CCDC183: variants seen among roughly 807,000 people sequenced by gnomAD.
CCDC183 encodes coiled-coil domain containing 183.
A neutral mutation model predicts 65.2 loss-of-function variants in CCDC183; 63 were observed. The observed-to-expected ratio is 0.97, with a 90% confidence interval of 0.79 to 1.19. The LOEUF is 1.19. Among genes scored for constraint, CCDC183 ranks in the 50% most tolerant of loss-of-function variants. The pLI is 0.00. For missense variants in CCDC183, 769 were observed against 689.3 expected (o/e 1.12, Z -1.30); for synonymous variants, 323 against 276.5 (o/e 1.17, Z -1.67).
Position 136,804,646 on chromosome 9 carries a change from C to T in CCDC183, c.792+19C>T, listed in dbSNP as rs1341944772. 6.2e-7 allele frequency: 1 copy of T among 1,613,270 alleles called. No individual in the cohort carries two copies. The highest frequency in any genetic ancestry group is 8.5e-7 in the Non-Finnish European group (1 of 1,179,716). ...CCGCCGGGTAAGCCCCAGGCCAGGG[C>T]CTGGCTGGCTGCCCATCCCCATGAC... On this transcript the variant is annotated intron_variant, in intron 7 of 13. Coordinates refer to ENST00000338005, the MANE Select transcript of CCDC183 (RefSeq NM_001039374.5). The surrounding 1 kb of genome is among the most constrained non-coding windows in gnomAD (Gnocchi z 4.1).
chr9:136,802,434 T>C (rs182161526), intron 5 of CCDC183, among the ~76,000 whole-genome samples: 2 of 152,294 alleles, frequency 1.3e-5, no homozygotes, highest in East Asian at 3.9e-4. Context: ...ACTCTCTCAG[T>C]CTCTCTGGGT....
intron 2 of CCDC183, 93 bp downstream of exon 2, chr9:136,799,316 C>A: frequency 6.8e-7 from 1 of 1,478,234 alleles, no homozygotes. Flanking sequence ...TCTCCACCCC[C>A]ACCCCAATCT....
chr9:136,807,518 C>G, intron 13 of CCDC183, 54 bp from the exon 14 acceptor site: 1 of 1,482,266 alleles, frequency 6.7e-7, no homozygotes, highest in Non-Finnish European at 9.0e-7. Flanking sequence ...GCGGGTCGGG[C>G]GGCTGCGCCT....
intron 13 of CCDC183, 82 bp downstream of exon 13, chr9:136,807,148 G>A (rs532038229): frequency 3.9e-6 from 5 of 1,267,742 alleles, no homozygotes; most frequent in Admixed American, 1.8e-5. Context: ...CCATCCCACC[G>A]GGACATCCTG....
intron 1 of CCDC183, among the ~76,000 whole-genome samples, chr9:136,798,003 TTTTA>T (rs896914030): frequency 4.0e-5 from 6 of 151,732 alleles, no homozygotes; most frequent in Non-Finnish European, 8.8e-5. Flanking sequence ...GTATTTGTAT[TTTTA>T]TTTATTTATT....
At chr9:136,799,425 A>C in intron 2 of CCDC183, 2 of 903,206 alleles carry the variant, frequency 2.2e-6, no homozygotes, top group Non-Finnish European at 3.2e-6. Context: ...CCACCACCCA[A>C]CCCGAGGGCT....
At position 136,806,617 on chromosome 9, in the gene CCDC183, T is replaced by C; in HGVS notation, c.1223T>C (p.Met408Thr). The change falls in exon 11 of 14, where the codon ATG (methionine) becomes ACG (threonine). Residue 408 changes from methionine to threonine, a missense_variant. Transcript: ENST00000338005. ...CAGGAGCTGCTGCTGACCATCCAGA[T>C]GGGCATCGACAACCTCTATGTCCGG... ...KGQELLLTIQ[M>T]GIDNLYVRLM... 6.2e-7 allele frequency: 1 copy of C among 1,613,744 alleles called. No homozygotes were observed. The highest frequency in any genetic ancestry group is 1.7e-5 in the Admixed American group (1 of 60,020).
rs1298004572 is a variant in CCDC183 at position 136,799,810 on chromosome 9, C to T, written c.270+20C>T. 3.7e-6 allele frequency: 6 copies of T among 1,607,624 alleles called. No homozygotes were observed. The highest frequency in any genetic ancestry group is 5.1e-6 in the Non-Finnish European group (6 of 1,175,848). On this transcript the variant is annotated intron_variant, in intron 3 of 13. Coordinates refer to ENST00000338005, the MANE Select transcript of CCDC183 (RefSeq NM_001039374.5). ...ATGGAGGTAACCAGGCAGGAGGGGC[C>T]TCGAGACCCAACCCTCCCCACCCCT...
In CCDC183 at chr9:136,804,654, G is replaced by C. The variant is rs780569595; in HGVS notation, c.792+27G>C. The C allele has an allele frequency of 6.2e-7, 1 of 1,613,084 alleles. No individual in the cohort carries two copies. The highest frequency in any genetic ancestry group is 1.1e-5 in the South Asian group (1 of 91,052). On this transcript the variant is annotated intron_variant, in intron 7 of 13. Coordinates refer to ENST00000338005, the MANE Select transcript of CCDC183 (RefSeq NM_001039374.5). This position sits in a 1 kb window ranked among gnomAD's most constrained non-coding sequence, Gnocchi z 4.1. Reference sequence around the variant, plus strand: ...TAAGCCCCAGGCCAGGGCCTGGCTGGCTGCCCATCCCCATGACAGCTGGGT... The same window carrying C: ...TAAGCCCCAGGCCAGGGCCTGGCTGCCTGCCCATCCCCATGACAGCTGGGT...
At chr9:136,799,009 C>CT in intron 1 of CCDC183, 93 bp from the exon 2 acceptor site, 1 of 1,563,276 alleles carries the variant, frequency 6.4e-7, no homozygotes, top group East Asian at 2.3e-5. Context: ...ACCCTGGGGC[C>CT]TGGGGCCTCC....
Position 136,806,747 on chromosome 9 carries a change from C to T in CCDC183, c.1279-10C>T, listed in dbSNP as rs751778045. On this transcript the variant is annotated splice_polypyrimidine_tract_variant and intron_variant, in intron 11 of 13. Transcript: ENST00000338005. Reference sequence around the variant, plus strand: ...CAGAGGGGAGATGAGACCCTCCTCCCGGCCTACAGAGAGAAGTGGTGCTCT... The same window carrying T: ...CAGAGGGGAGATGAGACCCTCCTCCTGGCCTACAGAGAGAAGTGGTGCTCT... The T allele has an allele frequency of 5.6e-6, 9 of 1,613,470 alleles. No individual in the cohort carries two copies. Among genetic ancestry groups the T allele is most frequent in the Non-Finnish European group, 7.6e-6 (9 of 1,180,000 alleles).
intron 1 of CCDC183, 74 bp downstream of exon 1, chr9:136,796,541 A>G (rs1457033739): frequency 2.0e-6 from 2 of 1,002,000 alleles, no homozygotes; most frequent in Non-Finnish European, 3.1e-6. Flanking sequence ...TTTGTGGGGA[A>G]AAGAGAGATC....
Position 136,797,277 on chromosome 9 carries a change from C to T in CCDC183, c.70+810C>T, listed in dbSNP as rs186774597. ...CTTTGCTCACATGTTTCCCTGCTGA[C>T]GTTCTCACCACCTGTTGCCCTGCTA... On this transcript the variant is annotated intron_variant, in intron 1 of 13. Coordinates refer to ENST00000338005, the MANE Select transcript of CCDC183 (RefSeq NM_001039374.5). Among the ~76,000 whole-genome samples, 14 of 152,238 alleles carry T rather than the reference C, an allele frequency of 9.2e-5. No individual in the cohort carries two copies. The East Asian group carries it at 2.1e-3, about 23-fold the overall frequency.
chr9:136,800,527 G>A (rs751997235), intron 5 of CCDC183, 34 bp downstream of exon 5: 1 of 1,504,738 alleles, frequency 6.6e-7, no homozygotes, highest in Non-Finnish European at 9.1e-7. Context: ...GCGGGGGTCA[G>A]GGGCTGGGAT....
intron 4 of CCDC183, 70 bp downstream of exon 4, chr9:136,800,239 C>G: frequency 9.4e-7 from 1 of 1,061,560 alleles, no homozygotes. Context: ...GGCGGGGCCA[C>G]CGGGGGGCGG....
At chr9:136,800,669 A>G (rs1847725442) in intron 5 of CCDC183, 176 bp downstream of exon 5, 10 of 595,760 alleles carry the variant, frequency 1.7e-5, no homozygotes, top group Non-Finnish European at 2.7e-5. Flanking sequence ...ATTTTTGGCT[A>G]TTCCAAAAAA....
chr9:136,800,686 C>A (rs1010754181), intron 5 of CCDC183, 193 bp downstream of exon 5: 1 of 587,016 alleles, frequency 1.7e-6, no homozygotes, highest in South Asian at 2.0e-5. Context: ...AAAAGCATAT[C>A]GTGGGGTATA....
At chr9:136,805,129 T>C in intron 8 of CCDC183, 1 of 596,546 alleles carries the variant, frequency 1.7e-6, no homozygotes, top group Non-Finnish European at 3.0e-6. Context: ...CTCACAGTGC[T>C]GCGCCACTCA....
At position 136,806,983 on chromosome 9, in the gene CCDC183, T is replaced by C. The variant is rs1425058970; in HGVS notation, c.1403T>C (p.Val468Ala). 2 of 1,613,200 alleles carry C rather than the reference T, an allele frequency of 1.2e-6. No homozygotes were observed. The highest frequency in any genetic ancestry group is 1.7e-6 in the Non-Finnish European group (2 of 1,179,946). The part of the protein sequence containing the change: ...VSRTEEGDTK[V>A]RDTLESSTLM... Reference sequence around the variant, plus strand: ...TTTGCCCTGCAGGGCGACACAAAGGTGAGGGACACCCTGGAGTCCTCGACT... The same window carrying C: ...TTTGCCCTGCAGGGCGACACAAAGGCGAGGGACACCCTGGAGTCCTCGACT... The change falls in exon 13 of 14, where the codon GTG becomes GCG. Residue 468 changes from valine to alanine, a missense_variant. Val to Ala is a moderately conservative substitution (Grantham distance 64, BLOSUM62 0). Transcript: ENST00000338005.
Sources: allele counts gnomAD v4.1 joint callset (sites outside exome capture counted in the v4.1 genomes callset), GRCh38; gene constraint gnomAD v4.1.1; non-coding constraint Gnocchi (gnomAD v3.1); transcripts MANE v1.5; gene names NCBI Gene and HGNC (gene_info 2026-07-23, HGNC 2026-07-21).